The following CSMD3 variants were observed in gnomAD, a reference collection of about 807,000 sequenced individuals.
CSMD3 encodes CUB and Sushi multiple domains 3.
In CSMD3, 177 loss-of-function variants were observed where a neutral mutation model predicts 435.2. The observed-to-expected ratio is 0.41, with a 90% CI of 0.36 to 0.46. The LOEUF (loss-of-function observed/expected upper bound fraction) is 0.46, where lower values mean the gene tolerates loss of function less well. Among genes scored for constraint, CSMD3 ranks in the 20% least tolerant of loss-of-function variants. The pLI, the probability that CSMD3 is intolerant of heterozygous loss-of-function variation, is 0.34. For missense variants in CSMD3, 4,265 were observed against 4,504.6 expected, an observed-to-expected ratio of 0.95 and a Z score of 1.52; for synonymous variants, 1,656 against 1,520.5, an observed-to-expected ratio of 1.09 and a Z score of -2.07.
chr8:112,412,437 C>T (rs1002149956), intron 32 of CSMD3, among the ~76,000 whole-genome samples: 15 of 152,054 alleles, frequency 9.9e-5, no homozygotes, highest in Non-Finnish European at 2.1e-4. Context: ...TTTCTGTTTT[C>T]TTAAGCATAT....
chr8:112,925,053 G>A (rs763504767), intron 9 of CSMD3, among the ~76,000 whole-genome samples: 3 of 151,968 alleles, frequency 2.0e-5, no homozygotes, highest in African/African-American at 4.8e-5. Context: ...TTATATTTAA[G>A]TTCTGGTGGG....
chr8:113,168,563 AC>A (rs1291047536), intron 4 of CSMD3, among the ~76,000 whole-genome samples: 3 of 142,154 alleles, frequency 2.1e-5, no homozygotes, highest in South Asian at 4.5e-4. Context: ...GATTTTAGCT[AC>A]AAAAAATGCT....
At chr8:112,551,296 T>G (rs1827663845) in intron 26 of CSMD3, among the ~76,000 whole-genome samples, 1 of 152,092 alleles carries the variant, frequency 6.6e-6, no homozygotes, top group Non-Finnish European at 1.5e-5. Flanking sequence ...CAAATGGAGT[T>G]TAGATAAATG....
intron 5 of CSMD3, among the ~76,000 whole-genome samples, chr8:113,062,119 C>A (rs1203095265): frequency 1.3e-5 from 2 of 151,660 alleles, no homozygotes; most frequent in Non-Finnish European, 3.0e-5. Flanking sequence ...TTAAAGATAT[C>A]TTGTCCACAC....
At position 113,430,432 on chromosome 8, in the gene CSMD3, A is replaced by G. The variant is rs146760888; in HGVS notation, c.178+6245T>C. On this transcript the variant is annotated intron_variant, in intron 1 of 70. Coordinates refer to ENST00000297405, the MANE Select transcript of CSMD3 (RefSeq NM_198123.2). ...AAAGTTGAATTGCTAGTCCAAAGAT[A>G]ATTGTTGCCAAAAATCATTATTTGA... Among the ~76,000 whole-genome samples the G allele has an allele frequency of 2.8e-4, 42 of 152,208 alleles. No individual in the cohort carries two copies. The East Asian group carries it at 7.4e-3, about 27-fold the overall frequency.
chr8:113,048,501 A>C (rs1484954689), intron 5 of CSMD3, among the ~76,000 whole-genome samples: 1 of 152,214 alleles, frequency 6.6e-6, no homozygotes, highest in African/African-American at 2.4e-5. Flanking sequence ...TGTCAGTTAT[A>C]TTAAAGTCTT....
At position 112,492,738 on chromosome 8, in the gene CSMD3, G is replaced by GT; in HGVS notation, c.5084-56dup. On this transcript the variant is annotated intron_variant, in intron 30 of 70. Coordinates refer to ENST00000297405, the MANE Select transcript of CSMD3 (RefSeq NM_198123.2). ...TGCTTTAAAATACAGTTGGCACTCCGTAATACATGGGTTCTGCATCTGTGG... is the reference window on the plus strand; with the variant it reads ...TGCTTTAAAATACAGTTGGCACTCCGTTAATACATGGGTTCTGCATCTGTGG... 2.2e-6 allele frequency: 3 copies of GT among 1,345,960 alleles called. No homozygotes were observed. The East Asian group carries it at 6.9e-5, about 31-fold the overall frequency. 83.4% of individuals were successfully genotyped at this position (1,345,960 alleles called of 1,614,324 possible).
chr8:112,713,194 C>T (rs1290073503), intron 13 of CSMD3, among the ~76,000 whole-genome samples: 3 of 151,876 alleles, frequency 2.0e-5, no homozygotes, highest in Non-Finnish European at 4.4e-5. Flanking sequence ...GAGTGTGCTA[C>T]CTAGTCTGGG....
intron 34 of CSMD3, among the ~76,000 whole-genome samples, chr8:112,406,991 T>A (rs1831916736): frequency 6.6e-6 from 1 of 151,976 alleles, no homozygotes; most frequent in Non-Finnish European, 1.5e-5. Context: ...TTTACCGAAC[T>A]CATTAATATT....
intron 13 of CSMD3, among the ~76,000 whole-genome samples, chr8:112,702,141 C>T (rs1004160008): frequency 2.0e-5 from 3 of 152,048 alleles, no homozygotes; most frequent in Admixed American, 6.6e-5. Flanking sequence ...ATGTATCACA[C>T]GGTTCTAGGC....
rs115205549 is a variant in CSMD3, at chr8:112,557,630, G to C, written c.4043-676C>G. Reference sequence around the variant, plus strand: ...CTCCATAATAATCTTAGACAGAGGGGTTCTGAGAGTTTTCAGATTCATGAA... The same window carrying C: ...CTCCATAATAATCTTAGACAGAGGGCTTCTGAGAGTTTTCAGATTCATGAA... On this transcript the variant is annotated intron_variant, in intron 24 of 70. Transcript: ENST00000297405. Among the ~76,000 whole-genome samples the C allele has an allele frequency of 3.3e-3, 499 of 151,954 alleles. 3 individuals are homozygous for C. Among genetic ancestry groups the C allele is most frequent in the African/African-American group, 0.011 (470 of 41,506 alleles).
chr8:112,491,487 T>TA (rs937330429), intron 31 of CSMD3, among the ~76,000 whole-genome samples: 20 of 151,998 alleles, frequency 1.3e-4, no homozygotes, highest in South Asian at 4.2e-4. Flanking sequence ...AAAACTCTAC[T>TA]AAAAATACAA....
At chr8:112,434,479 T>C (rs1479275630) in intron 32 of CSMD3, among the ~76,000 whole-genome samples, 2 of 152,140 alleles carry the variant, frequency 1.3e-5, no homozygotes, top group African/African-American at 2.4e-5. Flanking sequence ...AGCATTTTTT[T>C]CTCCTTTATG....
intron 10 of CSMD3, among the ~76,000 whole-genome samples, chr8:112,872,386 G>A (rs752691535): frequency 3.3e-5 from 5 of 152,062 alleles, no homozygotes; most frequent in Non-Finnish European, 5.9e-5. Context: ...AAATGCACCC[G>A]AAGTAGGGAA....
intron 56 of CSMD3, among the ~76,000 whole-genome samples, chr8:112,291,029 T>C (rs1002279760): frequency 1.3e-5 from 2 of 152,062 alleles, no homozygotes; most frequent in African/African-American, 4.8e-5. Flanking sequence ...AGAAAGATGA[T>C]GTATATTAAC....
intron 3 of CSMD3, among the ~76,000 whole-genome samples, chr8:113,236,680 G>T (rs560569757): frequency 6.6e-6 from 1 of 152,024 alleles, no homozygotes; most frequent in Non-Finnish European, 1.5e-5. Flanking sequence ...TGGCTTCCCT[G>T]GTTCTGAGAC....
chr8:112,842,552 C>T (rs2080209566), intron 11 of CSMD3, among the ~76,000 whole-genome samples: 2 of 150,082 alleles, frequency 1.3e-5, no homozygotes, highest in Admixed American at 1.3e-4. Flanking sequence ...ATATTTTGAA[C>T]ATATATATTC....
intron 35 of CSMD3, among the ~76,000 whole-genome samples, chr8:112,394,383 T>C (rs1360484316): frequency 6.6e-6 from 1 of 152,158 alleles, no homozygotes; most frequent in Non-Finnish European, 1.5e-5. Flanking sequence ...CTACACTAAC[T>C]ACAGTGATTT....
At chr8:113,020,831 GA>G (rs929370665) in intron 5 of CSMD3, among the ~76,000 whole-genome samples, 2 of 152,122 alleles carry the variant, frequency 1.3e-5, no homozygotes, top group African/African-American at 4.8e-5. Context: ...AAGGAGGATG[GA>G]AAATCTGTCA....
Sources: gnomAD v4.1 joint callset for allele counts (sites outside exome capture counted in the v4.1 genomes callset) on GRCh38, gnomAD v4.1.1 for gene constraint, MANE v1.5 for transcripts, NCBI Gene and HGNC (gene_info 2026-07-23, HGNC 2026-07-21) for gene names.